DLGAP1: variants seen among roughly 807,000 people sequenced by gnomAD.
The protein encoded by DLGAP1 is disks large-associated protein 1.
In DLGAP1, 11 loss-of-function variants were observed where a neutral mutation model predicts 90.8. That is an observed-to-expected ratio of 0.12 (90% confidence interval 0.08 to 0.20). The LOEUF (loss-of-function observed/expected upper bound fraction) is 0.20. Among genes scored for constraint, DLGAP1 ranks in the 10% least tolerant of loss-of-function variants. The pLI is 1.00. For synonymous variants in DLGAP1, 558 were observed against 540.7 expected (o/e 1.03, Z -0.44); for missense variants, 1,050 against 1,333.8 (o/e 0.79, Z 3.31).
intron 2 of DLGAP1, among the ~76,000 whole-genome samples, chr18:4,072,068 C>CTG (rs1398354930): frequency 6.6e-6 from 1 of 152,122 alleles, no homozygotes; most frequent in African/African-American, 2.4e-5. Context: ...AGGACATATG[C>CTG]TGTGTGTGTC....
chr18:4,042,555 T>C (rs1431278348), intron 2 of DLGAP1, among the ~76,000 whole-genome samples: 1 of 152,122 alleles, frequency 6.6e-6, no homozygotes, highest in Non-Finnish European at 1.5e-5. Flanking sequence ...CTGGCCAATA[T>C]GGTGAAACCT....
At chr18:3,581,255 G>T (rs1477587573) in intron 8 of DLGAP1, among the ~76,000 whole-genome samples, 4 of 152,196 alleles carry the variant, frequency 2.6e-5, no homozygotes, top group Admixed American at 1.3e-4. Flanking sequence ...GCCTAGTCTG[G>T]TTTGGTGAGG....
In DLGAP1 at chr18:3,567,538, G is replaced by A; in HGVS notation, c.2009C>T (p.Ala670Val). 1.2e-6 allele frequency: 2 copies of A among 1,614,000 alleles called. No homozygotes were observed. The highest frequency in any genetic ancestry group is 1.7e-6 in the Non-Finnish European group (2 of 1,179,970). ...EEPDKTGENKAPSKFQSVGVQ... is the reference protein window; with the variant it reads ...EEPDKTGENKVPSKFQSVGVQ... ...TCCCACGGACTGGAACTTACTGGGT[G>A]CTTTATTCTCCCCTGTTTTGTCAGG... Residue 670 changes from alanine to valine, a missense_variant, in exon 9 of 13, where the codon GCA (alanine) becomes GTA (valine). Ala to Val is a moderately conservative substitution (Grantham distance 64, BLOSUM62 0). Transcript: ENST00000315677.
chr18:3,580,622 G>A (rs780428835), intron 8 of DLGAP1: 53 of 1,592,620 alleles, frequency 3.3e-5, no homozygotes, highest in East Asian at 4.5e-5. Context: ...AGAATGTGCC[G>A]GTGAGCCTTT....
chr18:3,740,637 C>T (rs2062857331), intron 6 of DLGAP1, among the ~76,000 whole-genome samples: 2 of 152,012 alleles, frequency 1.3e-5, no homozygotes, highest in Non-Finnish European at 2.9e-5. Context: ...AGTGATCAGC[C>T]TACCATTTCA....
rs531633230 is a variant in DLGAP1 at position 3,556,317 on chromosome 18, T to C, written c.2057+11173A>G. Among the ~76,000 whole-genome samples, 11 of 152,020 alleles carry C rather than the reference T, an allele frequency of 7.2e-5. No individual in the cohort carries two copies. In the East Asian group the frequency reaches 1.9e-3, roughly 27 times the overall value. On this transcript the variant is annotated intron_variant, in intron 9 of 12. Coordinates refer to ENST00000315677, the MANE Select transcript of DLGAP1 (RefSeq NM_004746.4). The stretch of plus-strand genomic sequence containing the variant: ...GGCTGTCATTATCACCCAAAGTCCA[T>C]GGTTTACAGTAGGGTTACTCTTGGT...
intron 10 of DLGAP1, among the ~76,000 whole-genome samples, chr18:3,523,368 C>G (rs2051342567): frequency 6.7e-6 from 1 of 149,972 alleles, no homozygotes; most frequent in African/African-American, 2.5e-5. Flanking sequence ...CAGAGCAAGG[C>G]TCCATCTCAA....
chr18:4,439,815 A>T (rs1263499220), intron 1 of DLGAP1, among the ~76,000 whole-genome samples: 1 of 151,924 alleles, frequency 6.6e-6, no homozygotes, highest in Non-Finnish European at 1.5e-5. Context: ...GTCTGTAAAA[A>T]ATTTTAAAAA....
At chr18:3,718,181 C>T (rs2061828421) in intron 7 of DLGAP1, among the ~76,000 whole-genome samples, 1 of 152,102 alleles carries the variant, frequency 6.6e-6, no homozygotes, top group African/African-American at 2.4e-5. Flanking sequence ...CCAGAAAAGG[C>T]CCGGTGCAGC....
At chr18:3,799,588 A>G (rs1377739363) in intron 5 of DLGAP1, among the ~76,000 whole-genome samples, 3 of 151,706 alleles carry the variant, frequency 2.0e-5, no homozygotes, top group Non-Finnish European at 4.4e-5. Context: ...CCTCCGGGGC[A>G]CAGTGAATGA....
intron 7 of DLGAP1, among the ~76,000 whole-genome samples, chr18:3,646,793 T>G (rs112458758): frequency 6.6e-6 from 1 of 151,392 alleles, no homozygotes; most frequent in Non-Finnish European, 1.5e-5. Context: ...GGCGTGGTGG[T>G]GGGCGCCTGT....
intron 7 of DLGAP1, among the ~76,000 whole-genome samples, chr18:3,600,819 GATATATAGATATATATAGAT>G (rs1182041175): frequency 3.6e-5 from 2 of 55,718 alleles, no homozygotes; most frequent in East Asian, 3.7e-4. Flanking sequence ...GATATATATA[GATATATAGATATATATAGAT>G]ATATATAGAT....
In DLGAP1 at chr18:3,842,166, G is replaced by C. The variant is rs146788873; in HGVS notation, c.958-27893C>G. The stretch of plus-strand genomic sequence containing the variant: ...GTAGGCAGGCAGAAGAGACAAAGGA[G>C]GAAGCAGCTCATGCAAAGGTCCTGG... On this transcript the variant is annotated intron_variant, in intron 4 of 12. Coordinates refer to ENST00000315677, the MANE Select transcript of DLGAP1 (RefSeq NM_004746.4). 5.2e-3 allele frequency among the ~76,000 whole-genome samples: 790 copies of C among 152,072 alleles called. 9 individuals carry two copies. The highest frequency in any genetic ancestry group is 0.018 in the African/African-American group (750 of 41,474).
intron 6 of DLGAP1, among the ~76,000 whole-genome samples, chr18:3,737,978 C>T (rs1421218814): frequency 6.6e-6 from 1 of 150,408 alleles, no homozygotes; most frequent in Non-Finnish European, 1.5e-5. Context: ...TATACACCAA[C>T]AACAGACAAA....
chr18:3,663,603 G>A (rs1039546402), intron 7 of DLGAP1, among the ~76,000 whole-genome samples: 1 of 152,214 alleles, frequency 6.6e-6, no homozygotes, highest in Non-Finnish European at 1.5e-5. Flanking sequence ...TGGAAGCCCT[G>A]AACTGACATG....
intron 4 of DLGAP1, among the ~76,000 whole-genome samples, chr18:3,831,336 CT>C (rs561189447): frequency 1.6e-4 from 24 of 148,938 alleles, no homozygotes; most frequent in South Asian, 4.3e-4. Context: ...ATCACCAATC[CT>C]TTTTTTTTTA....
At chr18:3,724,779 T>G (rs1000112783) in intron 7 of DLGAP1, among the ~76,000 whole-genome samples, 4 of 151,774 alleles carry the variant, frequency 2.6e-5, no homozygotes, top group African/African-American at 9.7e-5. Flanking sequence ...GATGTGCACC[T>G]GTATTCCCAG....
chr18:3,924,369 C>T (rs982283254), intron 3 of DLGAP1, among the ~76,000 whole-genome samples: 6 of 152,170 alleles, frequency 3.9e-5, no homozygotes, highest in African/African-American at 1.4e-4. Context: ...GCCCTAGGTC[C>T]ACACCCTCCA....
intron 1 of DLGAP1, among the ~76,000 whole-genome samples, chr18:4,446,465 G>A (rs1046927210): frequency 2.0e-5 from 3 of 151,942 alleles, no homozygotes; most frequent in Non-Finnish European, 4.4e-5. Context: ...AGCAGCAGCA[G>A]AACTCATACA....
Sources: gnomAD v4.1 joint callset for allele counts (sites outside exome capture counted in the v4.1 genomes callset) on GRCh38, gnomAD v4.1.1 for gene constraint, MANE v1.5 for transcripts, NCBI Gene and HGNC (gene_info 2026-07-23, HGNC 2026-07-21) for gene names.